Variants in SAMSN1 observed in about 807,000 individuals in gnomAD.
The protein encoded by SAMSN1 is SAM domain, SH3 domain and nuclear localization signals 1.
SAMSN1 carries 31 observed loss-of-function variants against 42.0 expected under a neutral mutation model. The observed-to-expected ratio is 0.74, with a 90% confidence interval of 0.55 to 1.00. The LOEUF (loss-of-function observed/expected upper bound fraction) is 1.00. Ranked by LOEUF, SAMSN1 falls within the 50% of genes least tolerant of loss-of-function variation. The probability of loss-of-function intolerance (pLI) is 0.00; values close to 1 mark genes in which losing one functional copy is unlikely to be tolerated. For synonymous variants in SAMSN1, 178 were observed against 151.9 expected (o/e 1.17, Z -1.26); for missense variants, 464 against 439.4 (o/e 1.06, Z -0.50).
intron 1 of SAMSN1, among the ~76,000 whole-genome samples, chr21:14,545,267 G>A (rs1377167588): frequency 6.6e-6 from 1 of 151,928 alleles, no homozygotes; most frequent in Admixed American, 6.6e-5. Context: ...CAATTCAAAA[G>A]GTCATAACAA....
intron 2 of SAMSN1, among the ~76,000 whole-genome samples, chr21:14,633,197 A>C (rs1432779660): frequency 2.0e-5 from 3 of 150,360 alleles, no homozygotes; most frequent in South Asian, 2.1e-4. Flanking sequence ...CTCTCTCTCT[A>C]CACACACACA....
intron 5 of SAMSN1, among the ~76,000 whole-genome samples, chr21:14,604,066 G>A (rs1286682464): frequency 1.3e-5 from 2 of 152,186 alleles, no homozygotes; most frequent in African/African-American, 4.8e-5. Context: ...GGACCTTTAA[G>A]GGCTGGGACT....
chr21:14,563,613 T>A (rs1301370913), intron 2 of SAMSN1, among the ~76,000 whole-genome samples: 1 of 152,174 alleles, frequency 6.6e-6, no homozygotes, highest in African/African-American at 2.4e-5. Context: ...GTGGTACAAA[T>A]GTAGTGTAGT....
At chr21:14,577,721 C>T (rs1600940936) in intron 2 of SAMSN1, among the ~76,000 whole-genome samples, 1 of 152,126 alleles carries the variant, frequency 6.6e-6, no homozygotes, top group Admixed American at 6.6e-5. Context: ...TCGACTATTC[C>T]CTTTCTTAAG....
chr21:14,604,083 G>A (rs1399015441), intron 5 of SAMSN1, among the ~76,000 whole-genome samples: 1 of 152,122 alleles, frequency 6.6e-6, no homozygotes, highest in Admixed American at 6.5e-5. Context: ...GACTAAATTA[G>A]GCACACTTAA....
At chr21:14,621,101 T>C (rs980215244) in intron 2 of SAMSN1, among the ~76,000 whole-genome samples, 2 of 152,200 alleles carry the variant, frequency 1.3e-5, no homozygotes. Context: ...AAAGAAGACA[T>C]GACAGTTTAT....
intron 4 of SAMSN1, among the ~76,000 whole-genome samples, chr21:14,610,138 C>G (rs749757907): frequency 6.6e-6 from 1 of 151,956 alleles, no homozygotes; most frequent in Non-Finnish European, 1.5e-5. Flanking sequence ...GCCTGTGGGC[C>G]GGGCATGATG....
chr21:14,530,339 A>ATC (rs1555833470), intron 1 of SAMSN1, among the ~76,000 whole-genome samples: 4 of 141,130 alleles, frequency 2.8e-5, no homozygotes, highest in Non-Finnish European at 3.0e-5. Context: ...AAAAAAAAGA[A>ATC]AGAAATAATC....
intron 2 of SAMSN1, among the ~76,000 whole-genome samples, chr21:14,559,160 G>C (rs1980859610): frequency 1.3e-5 from 2 of 152,110 alleles, no homozygotes; most frequent in African/African-American, 4.8e-5. Flanking sequence ...AAAAAGAAAA[G>C]AAACTTTCTT....
chr21:14,540,527 A>C (rs1217749275), intron 1 of SAMSN1, among the ~76,000 whole-genome samples: 2 of 152,218 alleles, frequency 1.3e-5, no homozygotes, highest in African/African-American at 4.8e-5. Context: ...AAGACACATG[A>C]AAAAATGCTC....
intron 5 of SAMSN1, among the ~76,000 whole-genome samples, chr21:14,604,272 C>A (rs1030177080): frequency 6.6e-6 from 1 of 152,208 alleles, no homozygotes; most frequent in African/African-American, 2.4e-5. Flanking sequence ...CCTCCCATTC[C>A]GTGTGTTTTT....
upstream of SAMSN1, among the ~76,000 whole-genome samples, chr21:14,548,849 A>G (rs1255971099): frequency 2.0e-5 from 3 of 152,078 alleles, no homozygotes; most frequent in African/African-American, 4.8e-5. Context: ...ACAGATGGAC[A>G]GAACAAGAAT....
At chr21:14,493,572 ACAACACACACACACACACAC>A (rs1292550771) in intron 7 of SAMSN1, among the ~76,000 whole-genome samples, 4 of 131,724 alleles carry the variant, frequency 3.0e-5, no homozygotes, top group African/African-American at 6.9e-5. Flanking sequence ...TGTTTATGGA[ACAACACACACACACACACAC>A]ACACACACAC....
chr21:14,594,635 G>A (rs1982202537), intron 6 of SAMSN1: 1 of 152,112 alleles, frequency 6.6e-6, no homozygotes, highest in Non-Finnish European at 1.5e-5. Flanking sequence ...CCTTCTAACT[G>A]TCAGCTTCTA....
At chr21:14,528,832 C>T (rs1979050431) in intron 1 of SAMSN1, among the ~76,000 whole-genome samples, 1 of 152,124 alleles carries the variant, frequency 6.6e-6, no homozygotes, top group African/African-American at 2.4e-5. Context: ...AAAGCTTGCT[C>T]CACATTGCCA....
rs77655611 is a variant in SAMSN1, at chr21:14,498,680, C to A, written c.769-88G>T. On this transcript the variant is annotated intron_variant, in intron 6 of 7. Coordinates refer to ENST00000400566, the MANE Select transcript of SAMSN1 (RefSeq NM_022136.5). ...TAGATTTAAAGAAAGTATAGAGATG[C>A]ACATGGGGACCAAAGGTGCCAATAG... The A allele has an allele frequency of 4.4e-4, 458 of 1,035,536 alleles. 2 individuals carry two copies. In the African/African-American group the frequency reaches 6.9e-3, roughly 16 times the overall value. The allele number at this position is 1,035,536 out of a possible 1,614,324, so 64.1% of individuals were successfully genotyped here.
chr21:14,646,069 G>A (rs466783), intron 1 of SAMSN1, among the ~76,000 whole-genome samples: 65,857 of 152,002 alleles, frequency 0.43, 17,033 homozygotes, highest in Non-Finnish European at 0.57. Flanking sequence ...TAAAGAGGAC[G>A]TAGATAAAGA....
At chr21:14,490,642 A>G (rs763578998) in intron 7 of SAMSN1, among the ~76,000 whole-genome samples, 9 of 152,180 alleles carry the variant, frequency 5.9e-5, no homozygotes, top group Non-Finnish European at 1.2e-4. Context: ...TTTGGTGTTC[A>G]TTTCACTTGA....
At chr21:14,533,630 G>T (rs1272526999) in intron 1 of SAMSN1, among the ~76,000 whole-genome samples, 2 of 152,114 alleles carry the variant, frequency 1.3e-5, no homozygotes, top group African/African-American at 4.8e-5. Context: ...ACTTCAAGGT[G>T]ACTAATTCAT....
Sources: gnomAD v4.1 joint callset for allele counts (sites outside exome capture counted in the v4.1 genomes callset) on GRCh38, gnomAD v4.1.1 for gene constraint, MANE v1.5 for transcripts, NCBI Gene and HGNC (gene_info 2026-07-23, HGNC 2026-07-21) for gene names.